TAF3: variants seen among roughly 807,000 people sequenced by gnomAD.
The protein encoded by TAF3 is transcription initiation factor TFIID subunit 3.
A neutral mutation model predicts 80.6 loss-of-function variants in TAF3; 7 were observed. That is an observed-to-expected ratio of 0.09 (90% CI 0.05 to 0.16). TAF3 has a LOEUF of 0.16. Among genes scored for constraint, TAF3 ranks in the 10% least tolerant of loss-of-function variants. TAF3 has a pLI of 1.00. For synonymous variants in TAF3, 444 were observed against 446.1 expected, an observed-to-expected ratio of 1.00 and a Z score of 0.06; for missense variants, 921 against 1,140.2, an observed-to-expected ratio of 0.81 and a Z score of 2.77.
intron 2 of TAF3, among the ~76,000 whole-genome samples, chr10:7,944,010 G>T (rs776488547): frequency 6.6e-6 from 1 of 151,828 alleles, no homozygotes; most frequent in East Asian, 1.9e-4. Context: ...ATTGATATGC[G>T]TAAGAGGAAG....
intron 2 of TAF3, among the ~76,000 whole-genome samples, chr10:7,909,241 G>A (rs570234994): frequency 2.0e-5 from 3 of 152,218 alleles, no homozygotes; most frequent in Non-Finnish European, 4.4e-5. Context: ...CTGGGGCCCA[G>A]GCTCTGGGTT....
intron 2 of TAF3, among the ~76,000 whole-genome samples, chr10:7,889,223 T>C (rs1358085082): frequency 6.6e-6 from 1 of 152,220 alleles, no homozygotes; most frequent in Non-Finnish European, 1.5e-5. Flanking sequence ...TCTTAAATCT[T>C]AGTATTGCTA....
chr10:7,865,889 C>G (rs762986518), intron 2 of TAF3, among the ~76,000 whole-genome samples: 1 of 152,152 alleles, frequency 6.6e-6, no homozygotes, highest in East Asian at 1.9e-4. Context: ...ATCTTGTCAG[C>G]GTTGATTTAT....
At chr10:7,865,048 T>C (rs897243200) in intron 2 of TAF3, among the ~76,000 whole-genome samples, 1 of 152,078 alleles carries the variant, frequency 6.6e-6, no homozygotes, top group Non-Finnish European at 1.5e-5. Context: ...CCGGTGGATT[T>C]GTGGATAGAG....
intron 2 of TAF3, among the ~76,000 whole-genome samples, chr10:7,879,636 A>C (rs966753361): frequency 6.6e-6 from 1 of 152,208 alleles, no homozygotes; most frequent in Non-Finnish European, 1.5e-5. Context: ...CATAGAAATG[A>C]CGGGAGATGG....
At chr10:7,982,731 C>T (rs11818800) in intron 4 of TAF3, among the ~76,000 whole-genome samples, 13,465 of 152,192 alleles carry the variant, frequency 0.088, 647 homozygotes, top group South Asian at 0.14. Flanking sequence ...GAAGGTGTTT[C>T]ACTTTCTCAG....
chr10:7,941,761 G>A (rs1355353533), intron 2 of TAF3, among the ~76,000 whole-genome samples: 1 of 152,180 alleles, frequency 6.6e-6, no homozygotes, highest in Non-Finnish European at 1.5e-5. Context: ...TTGAGGAAAA[G>A]GGCAGGGTTG....
intron 2 of TAF3, among the ~76,000 whole-genome samples, chr10:7,962,388 T>G (rs1223719997): frequency 6.6e-6 from 1 of 152,188 alleles, no homozygotes; most frequent in Non-Finnish European, 1.5e-5. Context: ...TTCCTGCCAG[T>G]GTGACTTTTC....
chr10:7,977,118 T>TGTC, intron 3 of TAF3, 123 bp from the exon 4 acceptor site: 1 of 820,258 alleles, frequency 1.2e-6, no homozygotes, highest in Non-Finnish European at 2.0e-6. Flanking sequence ...TCTGTCTAAA[T>TGTC]TTTAGCCATA....
chr10:7,948,897 A>G (rs542902958), intron 2 of TAF3, among the ~76,000 whole-genome samples: 2 of 152,320 alleles, frequency 1.3e-5, no homozygotes, highest in East Asian at 1.9e-4. Flanking sequence ...TTTTGTTAAA[A>G]TCTCCAGGAT....
At chr10:7,984,402 CAATTA>C (rs1039214905) in intron 4 of TAF3, among the ~76,000 whole-genome samples, 5 of 152,132 alleles carry the variant, frequency 3.3e-5, no homozygotes, top group African/African-American at 1.2e-4. Flanking sequence ...TACTTGTAAA[CAATTA>C]CAGCAGTTCT....
At chr10:7,943,953 G>C in intron 2 of TAF3, among the ~76,000 whole-genome samples, 1 of 152,108 alleles carries the variant, frequency 6.6e-6, no homozygotes, top group Non-Finnish European at 1.5e-5. Context: ...TTATAATAGG[G>C]TTCTTTATAC....
chr10:7,952,715 C>G (rs142807870), intron 2 of TAF3, among the ~76,000 whole-genome samples: 1 of 152,102 alleles, frequency 6.6e-6, no homozygotes, highest in Non-Finnish European at 1.5e-5. Flanking sequence ...CATATTCACT[C>G]TACTATTAAT....
In TAF3 at chr10:7,871,435, C is replaced by CTTTTTTTTTTTTTTTTTTTTTTTTTTTT. The variant is rs527356726; in HGVS notation, c.409+46900_409+46901insTTTTTTTTTTTTTTTTTTTTTTTTTTTT. Among the ~76,000 whole-genome samples the CTTTTTTTTTTTTTTTTTTTTTTTTTTTT allele has an allele frequency of 2.1e-3, 143 of 69,116 alleles. 12 individuals are homozygous for CTTTTTTTTTTTTTTTTTTTTTTTTTTTT. Among genetic ancestry groups the CTTTTTTTTTTTTTTTTTTTTTTTTTTTT allele is most frequent in the Non-Finnish European group, 3.0e-3 (103 of 34,650 alleles). 45.3% of individuals were successfully genotyped at this position (69,116 alleles called of 152,430 possible). A position where few individuals can be genotyped will look rare whatever the true frequency, so the allele number is the denominator to read the frequency against. ...CTAAATTGATGACAAATAACTGCTG[C>CTTTTTTTTTTTTTTTTTTTTTTTTTTTT]TTTTTTTTTTTTTTTTTTTTTTTTT... is the stretch of plus-strand genomic sequence containing the variant. On this transcript the variant is annotated intron_variant, in intron 2 of 6. Transcript: ENST00000344293.
rs772647888 is a variant in TAF3, at chr10:8,009,188, G to T, written c.2426G>T (p.Ser809Ile). ...CCCGCCCCCGGCCCCATGCTCGTCAGCCCTGCGCCCGTGCCGCTGCCGCTG... is the reference window on the plus strand; with the variant it reads ...CCCGCCCCCGGCCCCATGCTCGTCATCCCTGCGCCCGTGCCGCTGCCGCTG... ...PAPAPGPMLV[S>I]PAPVPLPLLA... The change falls in exon 5 of 7, where the codon AGC becomes ATC. Residue 809 changes from serine to isoleucine, a missense_variant. Ser to Ile is a moderately radical substitution (Grantham distance 142). Transcript: ENST00000344293. The surrounding 1 kb of genome is among the most constrained non-coding windows in gnomAD (Gnocchi z 4.1). The T allele has an allele frequency of 3.4e-6, 5 of 1,474,954 alleles. No individual in the cohort carries two copies. Among genetic ancestry groups the T allele is most frequent in the South Asian group, 2.5e-5 (2 of 80,262 alleles). 91.4% of individuals were successfully genotyped at this position (1,474,954 alleles called of 1,614,324 possible). A position where few individuals can be genotyped will look rare whatever the true frequency, so the allele number is the denominator to read the frequency against.
intron 2 of TAF3, among the ~76,000 whole-genome samples, chr10:7,858,563 G>A (rs996597598): frequency 6.6e-6 from 1 of 152,126 alleles, no homozygotes; most frequent in Non-Finnish European, 1.5e-5. Flanking sequence ...TGGCAAGTTC[G>A]TATCTGTGTC....
At chr10:7,880,993 T>C (rs1837355943) in intron 2 of TAF3, among the ~76,000 whole-genome samples, 1 of 152,148 alleles carries the variant, frequency 6.6e-6, no homozygotes, top group Non-Finnish European at 1.5e-5. Context: ...CCCAGCACTT[T>C]GGGAGGCTGA....
intron 2 of TAF3, among the ~76,000 whole-genome samples, chr10:7,867,928 A>G (rs932016677): frequency 6.6e-6 from 1 of 152,228 alleles, no homozygotes; most frequent in Non-Finnish European, 1.5e-5. Flanking sequence ...TATGTACTGT[A>G]TTCTTACAAT....
chr10:7,966,039 G>T (rs1359620782), intron 3 of TAF3, among the ~76,000 whole-genome samples: 1 of 151,942 alleles, frequency 6.6e-6, no homozygotes. Flanking sequence ...AACAAATCTG[G>T]GTTCTTAAAT....
Sources: gnomAD v4.1 joint callset for allele counts (sites outside exome capture counted in the v4.1 genomes callset) on GRCh38, gnomAD v4.1.1 for gene constraint, Gnocchi (gnomAD v3.1) non-coding constraint, MANE v1.5 for transcripts, NCBI Gene and HGNC (gene_info 2026-07-23, HGNC 2026-07-21) for gene names.